Variants in MAPK8IP1 observed in about 807,000 individuals in gnomAD.
MAPK8IP1 encodes the protein mitogen-activated protein kinase 8 interacting protein 1.
A neutral mutation model predicts 72.6 loss-of-function variants in MAPK8IP1; 17 were observed. That is an observed-to-expected ratio of 0.23 (90% CI 0.16 to 0.35). MAPK8IP1 has a LOEUF of 0.35. Ranked by LOEUF, MAPK8IP1 falls within the 10% of genes least tolerant of loss-of-function variation. The probability of loss-of-function intolerance (pLI) is 1.00; values close to 1 mark genes in which losing one functional copy is unlikely to be tolerated. For missense variants in MAPK8IP1, 789 were observed against 1,009.7 expected (o/e 0.78, Z 2.96); for synonymous variants, 401 against 443.4 (o/e 0.90, Z 1.20).
intron 1 of MAPK8IP1, among the ~76,000 whole-genome samples, chr11:45,891,198 T>A (rs1437502710): frequency 6.6e-6 from 1 of 152,204 alleles, no homozygotes; most frequent in African/African-American, 2.4e-5. Flanking sequence ...CACTTCTAGC[T>A]TGGGGCCCCC....
Position 45,904,200 on chromosome 11 carries a change from A to G in MAPK8IP1, c.1666+39A>G. 1 of 1,599,460 alleles carries G rather than the reference A, an allele frequency of 6.3e-7. No homozygotes were observed. Among genetic ancestry groups the G allele is most frequent in the Non-Finnish European group, 8.5e-7 (1 of 1,171,808 alleles). On this transcript the variant is annotated intron_variant, in intron 7 of 11. Transcript: ENST00000241014. The surrounding 1 kb of genome is among the most constrained non-coding windows in gnomAD (Gnocchi z 6.4). ...CCTGGCCTGTGCCCCCAGCCACCAC[A>G]TCTGTCTGCCCCAACTTGCTGCTAG... is the stretch of plus-strand genomic sequence containing the variant.
intron 1 of MAPK8IP1, among the ~76,000 whole-genome samples, chr11:45,893,669 C>T (rs1011259940): frequency 1.3e-5 from 2 of 151,898 alleles, no homozygotes; most frequent in African/African-American, 4.8e-5. Context: ...TGAGGGAGGC[C>T]GGCCTGCGGA....
intron 1 of MAPK8IP1, among the ~76,000 whole-genome samples, chr11:45,893,242 A>G (rs781115724): frequency 6.6e-6 from 1 of 152,232 alleles, no homozygotes; most frequent in Non-Finnish European, 1.5e-5. Flanking sequence ...CGGAGCTGAA[A>G]TAGTCCGTTA....
chr11:45,897,468 AAGG>A (rs1476896050), intron 1 of MAPK8IP1, among the ~76,000 whole-genome samples: 2 of 152,192 alleles, frequency 1.3e-5, no homozygotes, highest in African/African-American at 4.8e-5. Context: ...TACACTGGAT[AAGG>A]AGAAGATGTT....
chr11:45,896,640 G>T, intron 1 of MAPK8IP1: 1 of 1,385,152 alleles, frequency 7.2e-7, no homozygotes, highest in Non-Finnish European at 9.3e-7. Context: ...CTGCAGCTGA[G>T]GGCTGCGCTG....
In MAPK8IP1 at chr11:45,902,422, C is replaced by T; in HGVS notation, c.655C>T (p.Pro219Ser). Residue 219 changes from proline (P) to serine (S), a missense_variant, in exon 5 of 12, where the codon CCC (proline) becomes TCC (serine). Pro to Ser is a moderately conservative substitution (Grantham distance 74). This residue lies in a region of MAPK8IP1 where 377 missense variants were observed against 411.7 expected (regional missense o/e 0.92). Transcript: ENST00000241014. The surrounding 1 kb of genome is among the most constrained non-coding windows in gnomAD (Gnocchi z 9.3). ...EHICLSDELP[P>S]QSGPAPTTDR... ...CATCTGCCTGAGCGATGAGCTGCCC[C>T]CCCAGAGCGGCCCCGCCCCCACCAC... is the stretch of plus-strand genomic sequence containing the variant. The T allele has an allele frequency of 6.3e-7, 1 of 1,585,794 alleles. No individual in the cohort carries two copies. Among genetic ancestry groups the T allele is most frequent in the Non-Finnish European group, 8.6e-7 (1 of 1,167,212 alleles).
At chr11:45,892,750 C>G (rs189446937) in intron 1 of MAPK8IP1, among the ~76,000 whole-genome samples, 4 of 152,268 alleles carry the variant, frequency 2.6e-5, no homozygotes, top group Admixed American at 2.6e-4. Context: ...AGAATTTGGG[C>G]CCCTTCTCCT....
chr11:45,890,892 A>C (rs2086561676), intron 1 of MAPK8IP1, among the ~76,000 whole-genome samples: 1 of 152,196 alleles, frequency 6.6e-6, no homozygotes, highest in Non-Finnish European at 1.5e-5. Context: ...AGGGATGGCC[A>C]CTGAAGCCTC....
intron 10 of MAPK8IP1, 22 bp from the exon 11 acceptor site, chr11:45,905,129 A>G: frequency 6.2e-7 from 1 of 1,613,464 alleles, no homozygotes; most frequent in Non-Finnish European, 8.5e-7. Flanking sequence ...CCGTCCCAGC[A>G]CAGACAGACC....
chr11:45,895,632 AAATATATAT>A (rs1438010523), intron 1 of MAPK8IP1, among the ~76,000 whole-genome samples: 573 of 28,602 alleles, frequency 0.02, 21 homozygotes, highest in African/African-American at 0.042. Context: ...AAAAAAAAAA[AAATATATAT>A]ATATATATAT....
At chr11:45,892,192 A>G (rs1054878019) in intron 1 of MAPK8IP1, among the ~76,000 whole-genome samples, 2 of 152,148 alleles carry the variant, frequency 1.3e-5, no homozygotes, top group African/African-American at 4.8e-5. Context: ...GTGGGGGTAG[A>G]GCGAGGGCCT....
rs775336359 is a variant in MAPK8IP1, at chr11:45,904,532, G to A, written c.1744G>A (p.Gly582Ser). ...CTCAGTCCAGGTTCCCTATCACAAGGGCAATGACGTCCTCTGTGCTGCTAT... is the reference window on the plus strand; with the variant it reads ...CTCAGTCCAGGTTCCCTATCACAAGAGCAATGACGTCCTCTGTGCTGCTAT... ...LGSVQVPYHK[G>S]NDVLCAAMQK... Residue 582 changes from glycine (G) to serine (S), a missense_variant, in exon 8 of 12, where the codon GGC (glycine) becomes AGC (serine). Coordinates refer to ENST00000241014, the MANE Select transcript of MAPK8IP1 (RefSeq NM_005456.4). This position sits in a 1 kb window ranked among gnomAD's most constrained non-coding sequence, Gnocchi z 6.4. 2.5e-6 allele frequency: 4 copies of A among 1,614,040 alleles called. No homozygotes were observed. In the African/African-American group the frequency reaches 4.0e-5, roughly 16 times the overall value.
intron 1 of MAPK8IP1, among the ~76,000 whole-genome samples, chr11:45,892,286 G>T (rs1229723948): frequency 6.6e-6 from 1 of 152,222 alleles, no homozygotes; most frequent in Non-Finnish European, 1.5e-5. Flanking sequence ...TCCTAGCCCA[G>T]ACTCTGGTGT....
chr11:45,904,898 G>A lies in MAPK8IP1; in HGVS notation c.1893+64G>A, dbSNP rs2086692002. 3.7e-6 allele frequency: 6 copies of A among 1,602,582 alleles called. No homozygotes were observed. Among genetic ancestry groups the A allele is most frequent in the Non-Finnish European group, 5.1e-6 (6 of 1,169,726 alleles). ...CAAGCTCTCCCCCAAGACTTGTGATGAAGAGGCCATCTCCTGTCACCCTCA... is the reference window on the plus strand; with the variant it reads ...CAAGCTCTCCCCCAAGACTTGTGATAAAGAGGCCATCTCCTGTCACCCTCA... On this transcript the variant is annotated intron_variant, in intron 9 of 11. Transcript: ENST00000241014. The surrounding 1 kb of genome is among the most constrained non-coding windows in gnomAD (Gnocchi z 6.4).
At chr11:45,898,915 G>T (rs964320444) in intron 2 of MAPK8IP1, among the ~76,000 whole-genome samples, 2 of 152,196 alleles carry the variant, frequency 1.3e-5, no homozygotes, top group African/African-American at 4.8e-5. Context: ...GCCAGGAAAT[G>T]GAGGACAGAG....
intron 1 of MAPK8IP1, among the ~76,000 whole-genome samples, chr11:45,889,322 A>C (rs2086549526): frequency 6.6e-6 from 1 of 152,184 alleles, no homozygotes; most frequent in African/African-American, 2.4e-5. Context: ...ATTTTGGAGC[A>C]TTTCAGATTT....
intron 2 of MAPK8IP1, among the ~76,000 whole-genome samples, chr11:45,898,988 A>G (rs184879798): frequency 1.2e-4 from 19 of 152,338 alleles, no homozygotes; most frequent in Non-Finnish European, 2.8e-4. Context: ...GTAGCCAGAT[A>G]CGGTGTCAGG....
At chr11:45,894,004 A>G (rs2086585314) in intron 1 of MAPK8IP1, among the ~76,000 whole-genome samples, 1 of 152,070 alleles carries the variant, frequency 6.6e-6, no homozygotes, top group African/African-American at 2.4e-5. Flanking sequence ...TTGACCAATC[A>G]GTCCCCCTTG....
chr11:45,893,728 A>G (rs142183201), intron 1 of MAPK8IP1, among the ~76,000 whole-genome samples: 281 of 151,802 alleles, frequency 1.9e-3, no homozygotes, highest in Middle Eastern at 3.4e-3. Flanking sequence ...GGCTGCCATG[A>G]GCAGGGTGGA....
Sources: gnomAD v4.1 joint callset for allele counts (sites outside exome capture counted in the v4.1 genomes callset) on GRCh38, gnomAD v4.1.1 for gene constraint, gnomAD v4.1.1 regional missense constraint, Gnocchi (gnomAD v3.1) non-coding constraint, MANE v1.5 for transcripts, NCBI Gene and HGNC (gene_info 2026-07-23, HGNC 2026-07-21) for gene names.